Variants in UBR4 observed in about 807,000 individuals in gnomAD.
The protein encoded by UBR4 is ubiquitin protein ligase E3 component n-recognin 4.
UBR4 carries 124 observed loss-of-function variants against 575.6 expected under a neutral mutation model. The observed-to-expected ratio is 0.22, with a 90% CI of 0.19 to 0.25. The LOEUF (loss-of-function observed/expected upper bound fraction) is 0.25, where lower values mean the gene tolerates loss of function less well. Among genes scored for constraint, UBR4 ranks in the 10% least tolerant of loss-of-function variants. UBR4 has a pLI of 1.00. For synonymous variants in UBR4, 2,455 were observed against 2,473.7 expected (o/e 0.99, Z 0.22); for missense variants, 4,818 against 6,478.8 (o/e 0.74, Z 8.80).
intron 64 of UBR4, among the ~76,000 whole-genome samples, 180 bp from the exon 65 acceptor site, chr1:19,124,870 G>A (rs750849274): frequency 1.3e-5 from 2 of 152,134 alleles, no homozygotes; most frequent in East Asian, 1.9e-4. Context: ...AGGCTTCTGC[G>A]GCCAATTTAA....
At position 19,167,234 on chromosome 1, in the gene UBR4, T is replaced by G; in HGVS notation, c.3900-3A>C. 6.2e-7 allele frequency: 1 copy of G among 1,614,088 alleles called. No individual in the cohort carries two copies. The highest frequency in any genetic ancestry group is 8.5e-7 in the Non-Finnish European group (1 of 1,179,976). ...GTGGGTTCATCTCATCTGACCAACT[T>G]CAGCAAAGAAAATGAAATCGAGTTA... On this transcript the variant is annotated splice_polypyrimidine_tract_variant and splice_region_variant and intron_variant, in intron 28 of 105. Transcript: ENST00000375254.
At chr1:19,104,535 C>G (rs2078984137) in intron 86 of UBR4, 50 bp downstream of exon 86, 1 of 1,593,298 alleles carries the variant, frequency 6.3e-7, no homozygotes, top group Non-Finnish European at 8.6e-7. Flanking sequence ...TAAGGGTTGT[C>G]CCTAAACAGA....
Position 19,110,810 on chromosome 1 carries a change from G to T in UBR4, c.11824C>A (p.Gln3942Lys). Residue 3942 changes from glutamine to lysine, a missense_variant, in exon 79 of 106, where the codon CAG becomes AAG. Physicochemically the swap from Gln to Lys is moderately conservative, Grantham distance 53. Transcript: ENST00000375254. The surrounding 1 kb of genome is among the most constrained non-coding windows in gnomAD (Gnocchi z 4.5). ...LTRDNPEATQ[Q>K]MNDLIIGKVS... is the part of the protein sequence containing the mutation. ...TTGCCAATAATCAGGTCATTCATCT[G>T]TTGGGTGGCTTCTGGGTTGTCTCTG... 1 of 1,614,196 alleles carries T rather than the reference G, an allele frequency of 6.2e-7. No homozygotes were observed. Among genetic ancestry groups the T allele is most frequent in the Non-Finnish European group, 8.5e-7 (1 of 1,180,010 alleles).
intron 52 of UBR4, chr1:19,146,261 ACAATTC>A: frequency 4.1e-6 from 2 of 489,032 alleles, no homozygotes; most frequent in Non-Finnish European, 6.8e-6. Context: ...TCTCTCTAGA[ACAATTC>A]TGGGATTGTA....
In UBR4 at chr1:19,161,162, T is replaced by A. The variant is rs3748759; in HGVS notation, c.5176-15A>T. The A allele has an allele frequency of 6.2e-7, 1 of 1,610,212 alleles. No individual in the cohort carries two copies. The highest frequency in any genetic ancestry group is 1.7e-5 in the Admixed American group (1 of 59,570). Reference sequence around the variant, plus strand: ...TTCACCAGAGCCTAGGGACAGAAAATGTCAGAGTCCCTAAGTTCTTGCCTC... The same window carrying A: ...TTCACCAGAGCCTAGGGACAGAAAAAGTCAGAGTCCCTAAGTTCTTGCCTC... On this transcript the variant is annotated splice_polypyrimidine_tract_variant and intron_variant, in intron 37 of 105. Coordinates refer to ENST00000375254, the MANE Select transcript of UBR4 (RefSeq NM_020765.3).
chr1:19,129,671 C>T (rs1260653864), intron 60 of UBR4, among the ~76,000 whole-genome samples: 1 of 152,178 alleles, frequency 6.6e-6, no homozygotes, highest in African/African-American at 2.4e-5. Flanking sequence ...AATCAACTGG[C>T]CATTACCTAG....
At chr1:19,150,460 A>G in intron 49 of UBR4, 117 bp downstream of exon 49, 1 of 1,220,602 alleles carries the variant, frequency 8.2e-7, no homozygotes, top group Non-Finnish European at 1.2e-6. Flanking sequence ...AAAACTTAAA[A>G]AAATTCCAGG....
chr1:19,174,542 T>C, intron 21 of UBR4, 95 bp from the exon 22 acceptor site: 1 of 1,470,636 alleles, frequency 6.8e-7, no homozygotes, highest in Non-Finnish European at 9.1e-7. Context: ...ATTGACAAAA[T>C]ATCCCATCAA....
intron 92 of UBR4, chr1:19,096,044 G>T: frequency 4.6e-6 from 1 of 218,824 alleles, no homozygotes; most frequent in Non-Finnish European, 9.1e-6. Context: ...TAAAACAAAG[G>T]CACAATAATA....
intron 91 of UBR4, 90 bp downstream of exon 91, chr1:19,097,103 G>T: frequency 9.4e-7 from 1 of 1,065,710 alleles, no homozygotes; most frequent in Non-Finnish European, 1.3e-6. Flanking sequence ...AGGTACAAGA[G>T]AGAAGCAACT....
intron 60 of UBR4, among the ~76,000 whole-genome samples, 190 bp downstream of exon 60, chr1:19,137,817 A>G (rs923400312): frequency 3.3e-5 from 5 of 152,236 alleles, no homozygotes; most frequent in African/African-American, 1.2e-4. Flanking sequence ...CGTAATTAAT[A>G]TAATTCGAAG....
rs948536822 is a variant in UBR4 at position 19,118,266 on chromosome 1, AT to A, written c.10542-357del. 22 of 180,436 alleles carry A rather than the reference AT, an allele frequency of 1.2e-4. No homozygotes were observed. The East Asian group carries it at 1.8e-3, about 15-fold the overall frequency. 11.2% of individuals were successfully genotyped at this position (180,436 alleles called of 1,614,324 possible). A position where few individuals can be genotyped will look rare whatever the true frequency, so the allele number is the denominator to read the frequency against. On this transcript the variant is annotated intron_variant, in intron 71 of 105. Transcript: ENST00000375254. ...AATTATCTCAATAAAGTTTTTTTAAATTTTTTTTAAAGAACAGTCACTACTA... is the reference window on the plus strand; with the variant it reads ...AATTATCTCAATAAAGTTTTTTTAAATTTTTTTAAAGAACAGTCACTACTA...
In UBR4 at chr1:19,089,041, G is replaced by T. The variant is rs1261144885; in HGVS notation, c.14212-64C>A. 5.2e-6 allele frequency: 8 copies of T among 1,544,786 alleles called. No individual in the cohort carries two copies. The Admixed American group carries it at 9.2e-5, about 18-fold the overall frequency. On this transcript the variant is annotated intron_variant, in intron 97 of 105. Coordinates refer to ENST00000375254, the MANE Select transcript of UBR4 (RefSeq NM_020765.3). The surrounding 1 kb of genome is among the most constrained non-coding windows in gnomAD (Gnocchi z 4.3). ...ATGTAGACAAACCTTCTTCCCGGGA[G>T]CTTAAAGGTTTAGAAACTCAACCAG...
rs754530837 is a variant in UBR4 at position 19,138,148 on chromosome 1, G to A, written c.8765C>T (p.Thr2922Ile). 1.3e-6 allele frequency: 2 copies of A among 1,583,410 alleles called. No individual in the cohort carries two copies. The highest frequency in any genetic ancestry group is 2.3e-5 in the East Asian group (1 of 43,476). ...TGGTCCAGCCGGATGCCCCTCAGCT[G>A]TAGCATCGCCATAAGCACTGCTCCG... ...SGRSSAYGDA[T>I]AEGHPAGPGS... Residue 2922 changes from threonine (T) to isoleucine (I), a missense_variant, in exon 60 of 106, where the codon ACA becomes ATA. Around this residue, in one of 29 missense-constraint regions of UBR4, gnomAD observed 57 missense variants for 101.5 expected, o/e 0.56. Coordinates refer to ENST00000375254, the MANE Select transcript of UBR4 (RefSeq NM_020765.3).
intron 58 of UBR4, among the ~76,000 whole-genome samples, chr1:19,140,214 AT>A (rs11291469): frequency 0.64 from 96,151 of 149,312 alleles, 31,127 homozygotes; most frequent in East Asian, 0.79. Flanking sequence ...TTCAGGAAAC[AT>A]TTTTTTTTTT....
rs371508151 is a variant in UBR4 at position 19,074,816 on chromosome 1, A to G, written c.*16T>C. The G allele has an allele frequency of 3.7e-6, 6 of 1,613,806 alleles. No individual in the cohort carries two copies. The highest frequency in any genetic ancestry group is 5.1e-6 in the Non-Finnish European group (6 of 1,179,952). ...AAGCCAGCTTCGTCTTCGCCGCCGC[A>G]GCTGCTGTGTGGTGGTCAGGGGACT... On this transcript the variant is annotated 3_prime_UTR_variant, in exon 106 of 106. Transcript: ENST00000375254.
chr1:19,120,030 A>G, intron 69 of UBR4, 150 bp downstream of exon 69: 2 of 1,008,946 alleles, frequency 2.0e-6, no homozygotes, highest in East Asian at 2.5e-5. Flanking sequence ...AAAAGCAGAC[A>G]ACAATAAAGA....
intron 65 of UBR4, among the ~76,000 whole-genome samples, chr1:19,123,680 C>A (rs2081417168): frequency 6.6e-6 from 1 of 152,064 alleles, no homozygotes; most frequent in South Asian, 2.1e-4. Context: ...GGGAAACTAT[C>A]AAGAAAAAAA....
At chr1:19,112,452 T>G (rs955199911) in intron 78 of UBR4, 72 bp downstream of exon 78, 10 of 1,518,756 alleles carry the variant, frequency 6.6e-6, no homozygotes, top group South Asian at 1.3e-5. Flanking sequence ...CTGTGCACTC[T>G]CTAACGCTCC....
Sources: gnomAD v4.1 joint callset for allele counts (sites outside exome capture counted in the v4.1 genomes callset) on GRCh38, gnomAD v4.1.1 for gene constraint, gnomAD v4.1.1 regional missense constraint, Gnocchi (gnomAD v3.1) non-coding constraint, MANE v1.5 for transcripts, NCBI Gene and HGNC (gene_info 2026-07-23, HGNC 2026-07-21) for gene names.